The following LRRC7 variants were observed in gnomAD, a reference collection of about 807,000 sequenced individuals.
The protein encoded by LRRC7 is leucine-rich repeat-containing protein 7.
A neutral mutation model predicts 175.7 loss-of-function variants in LRRC7; 23 were observed. The observed-to-expected ratio is 0.13, with a 90% CI of 0.09 to 0.19. LRRC7 has a LOEUF of 0.19. Ranked by LOEUF, LRRC7 falls within the 10% of genes least tolerant of loss-of-function variation. The probability of loss-of-function intolerance (pLI) is 1.00; values close to 1 mark genes in which losing one functional copy is unlikely to be tolerated. For missense variants in LRRC7, 1,354 were observed against 1,904.7 expected (o/e 0.71, Z 5.38); for synonymous variants, 685 against 680.9 (o/e 1.01, Z -0.09).
chr1:69,858,512 A>G (rs978142434), intron 7 of LRRC7, among the ~76,000 whole-genome samples: 7 of 151,662 alleles, frequency 4.6e-5, no homozygotes, highest in African/African-American at 1.7e-4. Context: ...ATATTAGCAT[A>G]CTAGAAGGTC....
At chr1:69,710,727 G>A (rs993796860) in intron 2 of LRRC7, among the ~76,000 whole-genome samples, 5 of 151,982 alleles carry the variant, frequency 3.3e-5, no homozygotes, top group African/African-American at 7.3e-5. Context: ...GCCCTCTTCC[G>A]GATTCCTATG....
At chr1:69,650,950 A>G (rs568932944) in intron 1 of LRRC7, among the ~76,000 whole-genome samples, 1 of 152,340 alleles carries the variant, frequency 6.6e-6, no homozygotes, top group South Asian at 2.1e-4. Context: ...CTCACATGAA[A>G]GTTACAGCAG....
intron 2 of LRRC7, among the ~76,000 whole-genome samples, chr1:69,693,322 T>G (rs79160986): frequency 0.23 from 35,021 of 151,950 alleles, 4,562 homozygotes; most frequent in South Asian, 0.33. Context: ...TTTGACCGAG[T>G]GTCTGTGTTA....
chr1:69,859,764 G>A, intron 7 of LRRC7, among the ~76,000 whole-genome samples: 1 of 151,840 alleles, frequency 6.6e-6, no homozygotes, highest in African/African-American at 2.4e-5. Flanking sequence ...TCAAAATAGT[G>A]AAAAAAAGTT....
At chr1:69,607,561 A>G (rs952317904) in intron 1 of LRRC7, 1 of 151,848 alleles carries the variant, frequency 6.6e-6, no homozygotes, top group African/African-American at 2.4e-5. Context: ...CATATTTAGG[A>G]TCAAAAATGA....
intron 1 of LRRC7, among the ~76,000 whole-genome samples, chr1:69,632,805 G>A (rs2100385689): frequency 6.6e-6 from 1 of 152,206 alleles, no homozygotes; most frequent in Non-Finnish European, 1.5e-5. Context: ...GAATAAATAT[G>A]TAATTTTATG....
intron 2 of LRRC7, among the ~76,000 whole-genome samples, chr1:69,684,259 T>C (rs1210217769): frequency 6.6e-6 from 1 of 152,138 alleles, no homozygotes; most frequent in Non-Finnish European, 1.5e-5. Flanking sequence ...TAGTAGGTGT[T>C]CAACAGATAT....
intron 7 of LRRC7, chr1:69,919,805 G>T: frequency 1.2e-6 from 1 of 805,006 alleles, no homozygotes; most frequent in Non-Finnish European, 2.1e-6. Flanking sequence ...AGTGTTCACG[G>T]ATTCCGGCAT....
At chr1:70,021,364 A>T (rs1657477105) in intron 16 of LRRC7, 1 of 337,116 alleles carries the variant, frequency 3.0e-6, no homozygotes, top group Admixed American at 4.4e-5. Flanking sequence ...GAATAACTGC[A>T]TGAGAGAGAT....
intron 24 of LRRC7, among the ~76,000 whole-genome samples, chr1:70,078,405 A>G (rs546551516): frequency 6.6e-6 from 1 of 152,252 alleles, no homozygotes; most frequent in Admixed American, 6.5e-5. Context: ...CAATGACATC[A>G]TATTAATAGG....
intron 1 of LRRC7, among the ~76,000 whole-genome samples, chr1:69,672,289 A>T (rs936332088): frequency 6.6e-6 from 1 of 152,172 alleles, no homozygotes; most frequent in Admixed American, 6.5e-5. Context: ...TCAGTTCCTC[A>T]GTCATACTAG....
intron 3 of LRRC7, among the ~76,000 whole-genome samples, chr1:69,789,851 T>C (rs1569884337): frequency 1.3e-5 from 2 of 152,082 alleles, no homozygotes; most frequent in East Asian, 3.8e-4. Context: ...TATATAGGTG[T>C]GCCTCTGTAT....
At chr1:69,913,496 T>C (rs1028758275) in intron 7 of LRRC7, among the ~76,000 whole-genome samples, 3 of 152,170 alleles carry the variant, frequency 2.0e-5, no homozygotes, top group Non-Finnish European at 2.9e-5. Flanking sequence ...TAATGAGGTG[T>C]TCCAGAAGTT....
At chr1:69,634,219 A>T (rs549981659) in intron 1 of LRRC7, among the ~76,000 whole-genome samples, 2 of 152,278 alleles carry the variant, frequency 1.3e-5, no homozygotes, top group South Asian at 4.1e-4. Context: ...GAGACATAAA[A>T]AGATTATAAG....
chr1:69,672,618 C>T (rs1437343314), intron 1 of LRRC7, among the ~76,000 whole-genome samples: 3 of 152,122 alleles, frequency 2.0e-5, no homozygotes, highest in African/African-American at 7.2e-5. Flanking sequence ...TATTTGAAAC[C>T]TTTATTCTAT....
intron 1 of LRRC7, among the ~76,000 whole-genome samples, chr1:69,577,967 G>T (rs1242357264): frequency 6.6e-6 from 1 of 152,062 alleles, no homozygotes; most frequent in African/African-American, 2.4e-5. Context: ...AAATTACCTT[G>T]GGCATTATGG....
chr1:69,849,044 G>A (rs1442552597), intron 7 of LRRC7, among the ~76,000 whole-genome samples: 1 of 151,686 alleles, frequency 6.6e-6, no homozygotes, highest in Non-Finnish European at 1.5e-5. Context: ...TATTCCTTTT[G>A]CTTTAAATTT....
chr1:70,121,971 T>C lies in LRRC7; in HGVS notation c.*84T>C. 1 of 894,720 alleles carries C rather than the reference T, an allele frequency of 1.1e-6. No homozygotes were observed. The highest frequency in any genetic ancestry group is 1.8e-6 in the Non-Finnish European group (1 of 556,478). 55.4% of individuals were successfully genotyped at this position (894,720 alleles called of 1,614,324 possible). On this transcript the variant is annotated 3_prime_UTR_variant, in exon 27 of 27. Coordinates refer to ENST00000651989, the MANE Select transcript of LRRC7 (RefSeq NM_001370785.2). ...TATACATAGAAACAAATTTTGCCAA[T>C]TGCTGGACCAATGGCAAACATTAGT...
At chr1:69,772,078 G>T (rs984338690) in intron 3 of LRRC7, among the ~76,000 whole-genome samples, 6 of 151,966 alleles carry the variant, frequency 3.9e-5, no homozygotes, top group African/African-American at 1.2e-4. Context: ...CTGAAATCGC[G>T]CCACTGCATT....
Sources: allele counts gnomAD v4.1 joint callset (sites outside exome capture counted in the v4.1 genomes callset), GRCh38; gene constraint gnomAD v4.1.1; transcripts MANE v1.5; gene names NCBI Gene and HGNC (gene_info 2026-07-23, HGNC 2026-07-21).